The following TRPV4 variants were observed in gnomAD, a reference collection of about 807,000 sequenced individuals.
TRPV4 encodes the protein OSM9-like transient receptor potential channel 4.
A neutral mutation model predicts 84.1 loss-of-function variants in TRPV4; 58 were observed. The ratio of observed to expected loss-of-function variants is 0.69; its 90% confidence interval spans 0.56 to 0.86. TRPV4 has a LOEUF of 0.86. Among genes scored for constraint, TRPV4 ranks in the 40% least tolerant of loss-of-function variants. The pLI is 0.00. For missense variants in TRPV4, 879 were observed against 1,181.1 expected, an observed-to-expected ratio of 0.74 and a Z score of 3.75; for synonymous variants, 489 against 500.9, an observed-to-expected ratio of 0.98 and a Z score of 0.32.
chr12:109,787,469 G>A (rs572874692), intron 13 of TRPV4, among the ~76,000 whole-genome samples: 1 of 152,086 alleles, frequency 6.6e-6, no homozygotes, highest in African/African-American at 2.4e-5. Flanking sequence ...GCCGGGTGAG[G>A]TGGTGCACAC....
intron 8 of TRPV4, 93 bp from the exon 9 acceptor site, chr12:109,794,115 T>C (rs1890228658): frequency 1.7e-6 from 2 of 1,198,708 alleles, no homozygotes; most frequent in South Asian, 2.6e-5. Flanking sequence ...AACATCGGCA[T>C]CCCATGGAGC....
At chr12:109,820,948 A>G (rs1041275758) in intron 1 of TRPV4, among the ~76,000 whole-genome samples, 1 of 152,232 alleles carries the variant, frequency 6.6e-6, no homozygotes, top group Non-Finnish European at 1.5e-5. Flanking sequence ...TCTCTCTGAG[A>G]ATCCCGGATT....
At position 109,783,463 on chromosome 12, in the gene TRPV4, C is replaced by A; in HGVS notation, c.*158G>T. 9.9e-7 allele frequency: 1 copy of A among 1,014,278 alleles called. No homozygotes were observed. Among genetic ancestry groups the A allele is most frequent in the Non-Finnish European group, 1.4e-6 (1 of 718,396 alleles). The allele number at this position is 1,014,278 out of a possible 1,614,324, so 62.8% of individuals were successfully genotyped here. On this transcript the variant is annotated 3_prime_UTR_variant, in exon 16 of 16. Coordinates refer to ENST00000261740, the MANE Select transcript of TRPV4 (RefSeq NM_021625.5). The surrounding 1 kb of genome is among the most constrained non-coding windows in gnomAD (Gnocchi z 4.6). ...CCCACCCCAGGGTGGGGAGGCAGAG[C>A]CAGGGGACCACAGGGTCCTGGGGCC...
In TRPV4 at chr12:109,793,471, C is replaced by T; in HGVS notation, c.1658+56G>A. 2 of 1,458,496 alleles carry T rather than the reference C, an allele frequency of 1.4e-6. No individual in the cohort carries two copies. The highest frequency in any genetic ancestry group is 1.8e-4 in the Middle Eastern group (1 of 5,418). 90.3% of individuals were successfully genotyped at this position (1,458,496 alleles called of 1,614,324 possible). A position where few individuals can be genotyped will look rare whatever the true frequency, so the allele number is the denominator to read the frequency against. On this transcript the variant is annotated intron_variant, in intron 10 of 15. Coordinates refer to ENST00000261740, the MANE Select transcript of TRPV4 (RefSeq NM_021625.5). The surrounding 1 kb of genome is among the most constrained non-coding windows in gnomAD (Gnocchi z 4.0). ...TCTCTCCTGAATCTGGACGACCTAG[C>T]AGCCCAAACCCACCTTCCTCACCCA...
intron 1 of TRPV4, among the ~76,000 whole-genome samples, chr12:109,824,481 C>T (rs751795762): frequency 3.3e-5 from 5 of 151,980 alleles, no homozygotes; most frequent in South Asian, 2.1e-4. Context: ...TCCGGCCGGG[C>T]GCAGTGGCTC....
At chr12:109,791,505 CAG>C (rs1299465874) in intron 12 of TRPV4, among the ~76,000 whole-genome samples, 6 of 120,386 alleles carry the variant, frequency 5.0e-5, no homozygotes, top group African/African-American at 1.9e-4. Context: ...TTTTTTGAGA[CAG>C]AGTCTCGCTG....
intron 3 of TRPV4, 107 bp from the exon 4 acceptor site, chr12:109,803,250 C>T: frequency 2.3e-6 from 3 of 1,311,168 alleles, no homozygotes; most frequent in South Asian, 2.5e-5. Flanking sequence ...TCCTGGCTGT[C>T]AACATCTCCT....
In TRPV4 at chr12:109,798,594, G is replaced by GC. The variant is rs746148872; in HGVS notation, c.1152+19dup. The GC allele has an allele frequency of 1.4e-5, 22 of 1,608,160 alleles. No homozygotes were observed. The highest frequency in any genetic ancestry group is 5.0e-5 in the Admixed American group (3 of 59,996). On this transcript the variant is annotated intron_variant, in intron 6 of 15. Coordinates refer to ENST00000261740, the MANE Select transcript of TRPV4 (RefSeq NM_021625.5). This position sits in a 1 kb window ranked among gnomAD's most constrained non-coding sequence, Gnocchi z 5.0. ...GGGTACGAGTAGGTGGATCAGCTGT[G>GC]CCCCCAGCCGCACACTCACCCCAAT...
rs1296979074 is a variant in TRPV4 at position 109,808,327 on chromosome 12, G to A, written c.528C>T (p.His176=). The stretch of plus-strand genomic sequence containing the variant: ...ACTCCTCATCAGTTAGGCGTTTCTT[G>A]TGGGTCAGCAAGAATGGGAGCAGCC... ...LDGLLPFLLT[H]KKRLTDEEFR... is the part of the protein sequence containing the mutation. Residue 176 remains histidine (H), a synonymous_variant, in exon 3 of 16, where the codon CAC becomes CAT. Transcript: ENST00000261740. The A allele has an allele frequency of 1.9e-6, 3 of 1,614,118 alleles. No individual in the cohort carries two copies. Among genetic ancestry groups the A allele is most frequent in the Non-Finnish European group, 2.5e-6 (3 of 1,180,050 alleles).
Position 109,814,884 on chromosome 12 carries a change from GA to G in TRPV4, c.-31-58del. 6.7e-7 allele frequency: 1 copy of G among 1,492,074 alleles called. No homozygotes were observed. The highest frequency in any genetic ancestry group is 9.0e-7 in the Non-Finnish European group (1 of 1,112,570). 92.4% of individuals were successfully genotyped at this position (1,492,074 alleles called of 1,614,324 possible). A position where few individuals can be genotyped will look rare whatever the true frequency, so the allele number is the denominator to read the frequency against. On this transcript the variant is annotated intron_variant, in intron 1 of 15. Transcript: ENST00000261740. The surrounding 1 kb of genome is among the most constrained non-coding windows in gnomAD (Gnocchi z 5.4). ...ACCCGGCCAGGGGCGGGGGCTCCAG[GA>G]AGCCCCCTCCCACGTGGACAAGCAG... is the stretch of plus-strand genomic sequence containing the variant.
At chr12:109,795,004 G>GTGAGAC (rs1482243224) in intron 7 of TRPV4, among the ~76,000 whole-genome samples, 2 of 152,168 alleles carry the variant, frequency 1.3e-5, no homozygotes, top group Non-Finnish European at 2.9e-5. Flanking sequence ...GGCAACAAGA[G>GTGAGAC]TGAGACTCCA....
chr12:109,785,337 A>G (rs1416212324), intron 14 of TRPV4, among the ~76,000 whole-genome samples: 11 of 152,020 alleles, frequency 7.2e-5, no homozygotes, highest in Non-Finnish European at 1.5e-5. Context: ...CACATAGCCC[A>G]CATTTTGTTT....
Position 109,814,554 on chromosome 12 carries a change from G to C in TRPV4, c.243C>G (p.Asn81Lys). ...GGGTGGACTCCAGCAGATCGATGGG[G>C]TTGGGCACCCCCTTGCGGAAGGCGC... ...FQGAFRKGVP[N>K]PIDLLESTLY... is the part of the protein sequence containing the mutation. The change falls in exon 2 of 16, where the codon AAC becomes AAG. Residue 81 changes from asparagine to lysine, a missense_variant. Physicochemically the swap from Asn to Lys is moderately conservative, Grantham distance 94. Transcript: ENST00000261740. The surrounding 1 kb of genome is among the most constrained non-coding windows in gnomAD (Gnocchi z 5.4). The C allele has an allele frequency of 4.3e-6, 7 of 1,614,158 alleles. No individual in the cohort carries two copies. The highest frequency in any genetic ancestry group is 5.9e-6 in the Non-Finnish European group (7 of 1,180,012).
intron 1 of TRPV4, among the ~76,000 whole-genome samples, chr12:109,830,236 A>T (rs1041584238): frequency 1.3e-5 from 2 of 152,244 alleles, no homozygotes; most frequent in Non-Finnish European, 2.9e-5. Context: ...TTGCAATCAC[A>T]CAAATGGGAT....
intron 7 of TRPV4, among the ~76,000 whole-genome samples, chr12:109,795,850 G>T (rs1890359782): frequency 1.3e-5 from 2 of 152,022 alleles, no homozygotes; most frequent in African/African-American, 4.8e-5. Flanking sequence ...CCAGGCTCAG[G>T]TGATCCTCCC....
At chr12:109,824,613 G>A (rs936138140) in intron 1 of TRPV4, among the ~76,000 whole-genome samples, 13 of 152,026 alleles carry the variant, frequency 8.6e-5, no homozygotes, top group African/African-American at 2.9e-4. Context: ...AAAATTAGCC[G>A]GGTGTGGTAG....
At chr12:109,784,177 G>C (rs1889532489) in intron 15 of TRPV4, 139 bp downstream of exon 15, 2 of 1,376,636 alleles carry the variant, frequency 1.5e-6, no homozygotes, top group Non-Finnish European at 2.0e-6. Flanking sequence ...GCATTCACAA[G>C]CAGCAGAGGA....
At chr12:109,805,374 G>A (rs1891054534) in intron 3 of TRPV4, among the ~76,000 whole-genome samples, 2 of 152,328 alleles carry the variant, frequency 1.3e-5, no homozygotes, top group African/African-American at 4.8e-5. Flanking sequence ...TAGACCCAGG[G>A]AGGGGACGCC....
intron 1 of TRPV4, among the ~76,000 whole-genome samples, chr12:109,824,736 A>G (rs1465103350): frequency 6.8e-6 from 1 of 146,058 alleles, no homozygotes; most frequent in African/African-American, 2.6e-5. Context: ...AGCGGGGGCG[A>G]CAAGAGCGAG....
Sources: gnomAD v4.1 joint callset for allele counts (sites outside exome capture counted in the v4.1 genomes callset) on GRCh38, gnomAD v4.1.1 for gene constraint, Gnocchi (gnomAD v3.1) non-coding constraint, MANE v1.5 for transcripts, NCBI Gene and HGNC (gene_info 2026-07-23, HGNC 2026-07-21) for gene names.